CUL7: variants seen among roughly 807,000 people sequenced by gnomAD.
The protein encoded by CUL7 is cullin 7.
In CUL7, 96 loss-of-function variants were observed where a neutral mutation model predicts 177.7. The ratio of observed to expected loss-of-function variants is 0.54; its 90% CI spans 0.46 to 0.64. The LOEUF (loss-of-function observed/expected upper bound fraction) is 0.64. Ranked by LOEUF, CUL7 falls within the 30% of genes least tolerant of loss-of-function variation. The probability of loss-of-function intolerance (pLI) is 0.00; values close to 1 mark genes in which losing one functional copy is unlikely to be tolerated. For missense variants in CUL7, 1,893 were observed against 2,187.9 expected (o/e 0.87, Z 2.69); for synonymous variants, 824 against 890.2 (o/e 0.93, Z 1.32).
Position 43,051,175 on chromosome 6 carries a change from G to T in CUL7, c.1026C>A (p.Leu342=). 6 of 1,614,204 alleles carry T rather than the reference G, an allele frequency of 3.7e-6. No individual in the cohort carries two copies. The highest frequency in any genetic ancestry group is 5.1e-6 in the Non-Finnish European group (6 of 1,180,032). The change falls in exon 4 of 26, where the codon CTC becomes CTA. Residue 342 remains leucine (L), a synonymous_variant. Transcript: ENST00000265348. The surrounding 1 kb of genome is among the most constrained non-coding windows in gnomAD (Gnocchi z 5.0). ...AGGAGGGCTGAGCCTGGGCAGCGGG[G>T]AGCCCTGGGCTCACATCTGCCAGCT... ...QPQLADVSPG[L]PAAQAQPSFR...
At chr6:43,041,786 A>C (rs1465151014) in intron 19 of CUL7, among the ~76,000 whole-genome samples, 4 of 151,744 alleles carry the variant, frequency 2.6e-5, no homozygotes, top group Non-Finnish European at 5.9e-5. Context: ...CGGGCGGATC[A>C]CGAGGTCAGG....
In CUL7 at chr6:43,038,350, G is replaced by T. The variant is rs761970375; in HGVS notation, c.4690C>A (p.Arg1564=). The part of the protein sequence containing the change: ...GEDGQNLEKR[R]NLLNCLIVRI... Reference sequence around the variant, plus strand: ...ACGATGAGGCAGTTCAGAAGATTCCGTCTCTTCTCCAAGTTCTGGCCGTCT... The same window carrying T: ...ACGATGAGGCAGTTCAGAAGATTCCTTCTCTTCTCCAAGTTCTGGCCGTCT... The change falls in exon 25 of 26, where the codon CGG becomes AGG. Residue 1564 remains arginine, a synonymous_variant. Transcript: ENST00000265348. 1.9e-6 allele frequency: 3 copies of T among 1,614,174 alleles called. No homozygotes were observed. The highest frequency in any genetic ancestry group is 2.2e-5 in the East Asian group (1 of 44,888).
At chr6:43,046,749 G>A in intron 10 of CUL7, 131 bp downstream of exon 10, 1 of 1,327,504 alleles carries the variant, frequency 7.5e-7, no homozygotes, top group Non-Finnish European at 1.1e-6. Context: ...AGAGGGGAAG[G>A]GGAACAAATG....
At position 43,038,416 on chromosome 6, in the gene CUL7, G is replaced by T. The variant is rs202082916; in HGVS notation, c.4624C>A (p.Arg1542=). ...KEPRSRWDIV[R]LIPPQTYLQA... ...AGGTACGTCTGAGGTGGGATGAGCCGCACAATGTCCCATCTCGACCTGGGT... is the reference window on the plus strand; with the variant it reads ...AGGTACGTCTGAGGTGGGATGAGCCTCACAATGTCCCATCTCGACCTGGGT... Residue 1542 remains arginine, a synonymous_variant, in exon 25 of 26, where the codon CGG becomes AGG. Coordinates refer to ENST00000265348, the MANE Select transcript of CUL7 (RefSeq NM_014780.5). 1 of 1,614,130 alleles carries T rather than the reference G, an allele frequency of 6.2e-7. No individual in the cohort carries two copies. Among genetic ancestry groups the T allele is most frequent in the East Asian group, 2.2e-5 (1 of 44,876 alleles).
chr6:43,047,054 G>A lies in CUL7; in HGVS notation c.2223C>T (p.Asp741=), dbSNP rs2150325919. 1 of 1,613,644 alleles carries A rather than the reference G, an allele frequency of 6.2e-7. No homozygotes were observed. The highest frequency in any genetic ancestry group is 1.7e-5 in the Admixed American group (1 of 60,008). ...CCAGCTGATTCAGCACCACGGCATA[G>A]TCCCTGCTCACTGAGGTCAGGCGGT... is the stretch of plus-strand genomic sequence containing the variant. ...FLHRLTSVSR[D]YAVVLNQLGA... The change falls in exon 10 of 26, where the codon GAC becomes GAT. Residue 741 remains aspartate, a synonymous_variant. Transcript: ENST00000265348.
rs571067327 is a variant in CUL7, at chr6:43,040,481, C to T, written c.4023+49G>A. 197 of 1,612,734 alleles carry T rather than the reference C, an allele frequency of 1.2e-4. 1 individual carries two copies. The South Asian group carries it at 2.0e-3, about 16-fold the overall frequency. On this transcript the variant is annotated intron_variant, in intron 21 of 25. Coordinates refer to ENST00000265348, the MANE Select transcript of CUL7 (RefSeq NM_014780.5). This position sits in a 1 kb window ranked among gnomAD's most constrained non-coding sequence, Gnocchi z 4.2. Reference sequence around the variant, plus strand: ...TGGCCTCCTCCAGTCTGCTCCACGCCCCTCTTCCCCCTACCCTCTTATTTG... The same window carrying T: ...TGGCCTCCTCCAGTCTGCTCCACGCTCCTCTTCCCCCTACCCTCTTATTTG...
At position 43,046,612 on chromosome 6, in the gene CUL7, A is replaced by G. The variant is rs748886914; in HGVS notation, c.2398-11T>C. 2.5e-6 allele frequency: 4 copies of G among 1,614,156 alleles called. No homozygotes were observed. Among genetic ancestry groups the G allele is most frequent in the Middle Eastern group, 1.6e-4 (1 of 6,062 alleles). Reference sequence around the variant, plus strand: ...CTGGCCCAGCACCATCTGCAGCCAGAACATCAGAGAGAAGGGGCACAGGGG... The same window carrying G: ...CTGGCCCAGCACCATCTGCAGCCAGGACATCAGAGAGAAGGGGCACAGGGG... On this transcript the variant is annotated splice_polypyrimidine_tract_variant and intron_variant, in intron 10 of 25. Coordinates refer to ENST00000265348, the MANE Select transcript of CUL7 (RefSeq NM_014780.5).
chr6:43,046,992 T>C lies in CUL7; in HGVS notation c.2285A>G (p.His762Arg). ...CTGAGCCAGCTCCAGCTTTCCCAGG[T>C]GCTTTTCCAGGGCCTTGGAGATAGC... ...RDAISKALEK[H>R]LGKLELAQEL... The change falls in exon 10 of 26, where the codon CAC becomes CGC. Residue 762 changes from histidine to arginine, a missense_variant. Physicochemically the swap from His to Arg is conservative, Grantham distance 29. Around this residue, in one of 5 missense-constraint regions of CUL7, gnomAD observed 973 missense variants for 1,140.9 expected, o/e 0.85. Coordinates refer to ENST00000265348, the MANE Select transcript of CUL7 (RefSeq NM_014780.5). 1 of 1,612,650 alleles carries C rather than the reference T, an allele frequency of 6.2e-7. No homozygotes were observed. Among genetic ancestry groups the C allele is most frequent in the Non-Finnish European group, 8.5e-7 (1 of 1,178,704 alleles).
In CUL7 at chr6:43,048,341, G is replaced by C. The variant is rs1324627878; in HGVS notation, c.2054C>G (p.Thr685Ser). ...TPETNRTLHL[T>S]VLRILKQLVD... is the part of the protein sequence containing the mutation. ...GTCACCATGCTCTCACCTCAGCACAGTCAGGTGCAGGGTCCTGTTAGTCTC... is the reference window on the plus strand; with the variant it reads ...GTCACCATGCTCTCACCTCAGCACACTCAGGTGCAGGGTCCTGTTAGTCTC... Residue 685 changes from threonine to serine, a missense_variant, in exon 8 of 26, where the codon ACT becomes AGT. Transcript: ENST00000265348. 1 of 1,609,236 alleles carries C rather than the reference G, an allele frequency of 6.2e-7. No individual in the cohort carries two copies. Among genetic ancestry groups the C allele is most frequent in the Admixed American group, 1.7e-5 (1 of 60,022 alleles).
At chr6:43,038,516 G>A (rs1202346912) in intron 24 of CUL7, 44 bp from the exon 25 acceptor site, 1 of 1,613,690 alleles carries the variant, frequency 6.2e-7, no homozygotes, top group Non-Finnish European at 8.5e-7. Flanking sequence ...AGCCCACGAG[G>A]AGCCTGGCCC....
Position 43,039,735 on chromosome 6 carries a change from CTTT to C in CUL7, c.4294+418_4294+420del, listed in dbSNP as rs763879172. Among the ~76,000 whole-genome samples the C allele has an allele frequency of 1.7e-3, 158 of 94,882 alleles. 1 individual carries two copies. Among genetic ancestry groups the C allele is most frequent in the Middle Eastern group, 8.9e-3 (1 of 112 alleles). 62.2% of individuals were successfully genotyped at this position (94,882 alleles called of 152,430 possible). On this transcript the variant is annotated intron_variant, in intron 22 of 25. Coordinates refer to ENST00000265348, the MANE Select transcript of CUL7 (RefSeq NM_014780.5). ...AAAAATGTAAATTAAAAGACCAACT[CTTT>C]TTTTTTTTTTTTTTTTTTTTTGAGA...
At position 43,043,119 on chromosome 6, in the gene CUL7, G is replaced by A; in HGVS notation, c.3417C>T (p.Ile1139=). The A allele has an allele frequency of 6.2e-7, 1 of 1,614,120 alleles. No homozygotes were observed. Among genetic ancestry groups the A allele is most frequent in the Non-Finnish European group, 8.5e-7 (1 of 1,180,036 alleles). Residue 1139 remains isoleucine, a synonymous_variant, in exon 18 of 26, where the codon ATC becomes ATT. Transcript: ENST00000265348. This position sits in a 1 kb window ranked among gnomAD's most constrained non-coding sequence, Gnocchi z 4.2. ...GCCAACAGCGCGTCAGGTTTCTCATGATGCTGCTTGGAAGGCCCCGGGTAG... is the reference window on the plus strand; with the variant it reads ...GCCAACAGCGCGTCAGGTTTCTCATAATGCTGCTTGGAAGGCCCCGGGTAG... ...SLATRGLPSS[I]MRNLTRCWRA...
At chr6:43,046,644 G>T in intron 10 of CUL7, 43 bp from the exon 11 acceptor site, 1 of 1,612,112 alleles carries the variant, frequency 6.2e-7, no homozygotes, top group South Asian at 1.1e-5. Flanking sequence ...GGGGCAGAAG[G>T]AACACGGAGA....
chr6:43,044,564 C>A (rs1763726780), intron 16 of CUL7, among the ~76,000 whole-genome samples, 188 bp downstream of exon 16: 1 of 151,968 alleles, frequency 6.6e-6, no homozygotes, highest in Non-Finnish European at 1.5e-5. Context: ...TTATGGTGTC[C>A]CCTGACACTT....
intron 16 of CUL7, among the ~76,000 whole-genome samples, chr6:43,044,484 C>T (rs1036496033): frequency 2.8e-5 from 4 of 145,184 alleles, no homozygotes; most frequent in Admixed American, 6.8e-5. Context: ...GGGTAACGAG[C>T]GAAAATCTGT....
rs979055833 is a variant in CUL7, at chr6:43,047,080, G to A, written c.2197C>T (p.His733Tyr). The change falls in exon 10 of 26, where the codon CAC (histidine) becomes TAC (tyrosine). Residue 733 changes from histidine to tyrosine, a missense_variant. By Grantham distance (83) the His-to-Tyr change is moderately conservative (BLOSUM62 2). Transcript: ENST00000265348. ...EVLQELIFFL[H>Y]RLTSVSRDYA... ...TCCCTGCTCACTGAGGTCAGGCGGT[G>A]CAGGAAGAAAATCAGTTCCTGGAGC... 2 of 1,612,192 alleles carry A rather than the reference G, an allele frequency of 1.2e-6. No individual in the cohort carries two copies. Among genetic ancestry groups the A allele is most frequent in the Admixed American group, 1.7e-5 (1 of 60,018 alleles).
rs1763277612 is a variant in CUL7, at chr6:43,040,088, C to G, written c.4294+68G>C. 1 of 1,592,436 alleles carries G rather than the reference C, an allele frequency of 6.3e-7. No homozygotes were observed. On this transcript the variant is annotated intron_variant, in intron 22 of 25. Coordinates refer to ENST00000265348, the MANE Select transcript of CUL7 (RefSeq NM_014780.5). The surrounding 1 kb of genome is among the most constrained non-coding windows in gnomAD (Gnocchi z 4.2). ...GCCTCCCAACATCAGGGTCTGCCCC[C>G]AACCCCAGGTCCTTTCCTAGCAGCC...
chr6:43,050,896 C>A lies in CUL7; in HGVS notation c.1233+72G>T. 3 of 1,575,054 alleles carry A rather than the reference C, an allele frequency of 1.9e-6. No homozygotes were observed. Among genetic ancestry groups the A allele is most frequent in the Non-Finnish European group, 2.6e-6 (3 of 1,152,530 alleles). ...TTTGGGTGGCCTGCTGGAGCCCCCC[C>A]ATATAGAAGTCCCAGCTCTGCCCTA... is the stretch of plus-strand genomic sequence containing the variant. On this transcript the variant is annotated intron_variant, in intron 4 of 25. Transcript: ENST00000265348. The surrounding 1 kb of genome is among the most constrained non-coding windows in gnomAD (Gnocchi z 4.1).
Position 43,046,614 on chromosome 6 carries a change from C to G in CUL7, c.2398-13G>C, listed in dbSNP as rs768456311. On this transcript the variant is annotated splice_polypyrimidine_tract_variant and intron_variant, in intron 10 of 25. Transcript: ENST00000265348. ...GGCCCAGCACCATCTGCAGCCAGAA[C>G]ATCAGAGAGAAGGGGCACAGGGGCA... The G allele has an allele frequency of 6.2e-7, 1 of 1,614,138 alleles. No individual in the cohort carries two copies. The highest frequency in any genetic ancestry group is 8.5e-7 in the Non-Finnish European group (1 of 1,180,006).
Sources: gnomAD v4.1 joint callset for allele counts (sites outside exome capture counted in the v4.1 genomes callset) on GRCh38, gnomAD v4.1.1 for gene constraint, gnomAD v4.1.1 regional missense constraint, Gnocchi (gnomAD v3.1) non-coding constraint, MANE v1.5 for transcripts, NCBI Gene and HGNC (gene_info 2026-07-23, HGNC 2026-07-21) for gene names.